Variants in VPS13A observed in about 807,000 individuals in gnomAD.
The protein encoded by VPS13A is vacuolar protein sorting 13 homolog A.
In VPS13A, 264 loss-of-function variants were observed where a neutral mutation model predicts 390.9. The observed-to-expected ratio is 0.68, with a 90% CI of 0.61 to 0.75. The LOEUF is 0.75. VPS13A is among the 30% of genes least tolerant of loss of function. VPS13A has a pLI of 0.00. For synonymous variants in VPS13A, 1,231 were observed against 1,227.1 expected, an observed-to-expected ratio of 1.00 and a Z score of -0.07; for missense variants, 3,409 against 3,733.9, an observed-to-expected ratio of 0.91 and a Z score of 2.27.
At chr9:77,302,804 A>G in intron 33 of VPS13A, 111 bp from the exon 34 acceptor site, 1 of 1,196,122 alleles carries the variant, frequency 8.4e-7, no homozygotes, top group South Asian at 1.4e-5. Context: ...TATACCCAAC[A>G]AATTATTGAT....
chr9:77,334,778 G>T (rs1267843571), intron 46 of VPS13A, among the ~76,000 whole-genome samples: 1 of 152,184 alleles, frequency 6.6e-6, no homozygotes, highest in African/African-American at 2.4e-5. Context: ...TTAAGGTTTT[G>T]TCTTTAAGTA....
chr9:77,344,267 C>T lies in VPS13A; in HGVS notation c.7141C>T (p.Arg2381Cys), dbSNP rs761657969. 33 of 1,613,020 alleles carry T rather than the reference C, an allele frequency of 2.0e-5. No homozygotes were observed. Among genetic ancestry groups the T allele is most frequent in the South Asian group, 1.8e-4 (16 of 90,962 alleles). The change falls in exon 51 of 72, where the codon CGT (arginine) becomes TGT (cysteine). Residue 2381 changes from arginine to cysteine, a missense_variant. Physicochemically the swap from Arg to Cys is radical, Grantham distance 180 (BLOSUM62 -3). This residue lies in a region of VPS13A where 2,717 missense variants were observed against 2,917.4 expected (regional missense o/e 0.93). Coordinates refer to ENST00000360280, the MANE Select transcript of VPS13A (RefSeq NM_033305.3). ...CAAGCAGGAAAATTGTATTCTATTGCGTCTAGATAACGAGGTAAGTTTTTT... is the reference window on the plus strand; with the variant it reads ...CAAGCAGGAAAATTGTATTCTATTGTGTCTAGATAACGAGGTAAGTTTTTT... ...FNKQENCILL[R>C]LDNELGGIIA... is the part of the protein sequence containing the mutation.
intron 26 of VPS13A, chr9:77,279,929 A>AT (rs1826917142): frequency 2.6e-6 from 1 of 379,780 alleles, no homozygotes; most frequent in Non-Finnish European, 4.9e-6. Context: ...TTAGAAGGGT[A>AT]TGAGACTTCA....
chr9:77,382,624 C>T (rs531401516), intron 68 of VPS13A: 1 of 1,022,550 alleles, frequency 9.8e-7, no homozygotes, highest in African/African-American at 1.7e-5. Context: ...TATCCAATTA[C>T]ACATGAAGAA....
At chr9:77,343,372 G>GT (rs1201737259) in intron 50 of VPS13A, among the ~76,000 whole-genome samples, 2 of 152,148 alleles carry the variant, frequency 1.3e-5, no homozygotes, top group Non-Finnish European at 2.9e-5. Context: ...TAACAACCAG[G>GT]TTCTGCTACA....
chr9:77,355,787 T>G (rs1428365244), intron 54 of VPS13A, among the ~76,000 whole-genome samples: 3 of 152,192 alleles, frequency 2.0e-5, no homozygotes, highest in African/African-American at 7.2e-5. Flanking sequence ...ACCTAATTCA[T>G]CAAGAAGATC....
intron 26 of VPS13A, 49 bp downstream of exon 26, chr9:77,276,270 C>G (rs1272912401): frequency 2.0e-6 from 3 of 1,469,652 alleles, no homozygotes; most frequent in Non-Finnish European, 2.7e-6. Flanking sequence ...CATTGTTTGA[C>G]TACCTGCTAG....
At chr9:77,267,504 A>G (rs1342297726) in intron 23 of VPS13A, among the ~76,000 whole-genome samples, 1 of 152,178 alleles carries the variant, frequency 6.6e-6, no homozygotes, top group Non-Finnish European at 1.5e-5. Context: ...AGGCTGCAGA[A>G]CAGCAAAGAT....
intron 5 of VPS13A, among the ~76,000 whole-genome samples, chr9:77,207,243 A>ATG (rs1564630398): frequency 0.012 from 1,284 of 103,120 alleles, 50 homozygotes; most frequent in South Asian, 0.041. Flanking sequence ...ATATATATAT[A>ATG]TATATATATA....
At chr9:77,337,647 T>C (rs1443891745) in intron 47 of VPS13A, 110 bp downstream of exon 47, 1 of 1,054,484 alleles carries the variant, frequency 9.5e-7, no homozygotes. Context: ...ATTAGAATAC[T>C]AGTAAAGAAT....
chr9:77,205,192 C>T (rs991992872), intron 3 of VPS13A, 121 bp from the exon 4 acceptor site: 19 of 421,734 alleles, frequency 4.5e-5, no homozygotes, highest in South Asian at 7.4e-5. Flanking sequence ...AGTGATTAAA[C>T]GCTTAAGGAC....
chr9:77,290,079 G>T (rs1158415200), intron 31 of VPS13A, among the ~76,000 whole-genome samples: 1 of 152,134 alleles, frequency 6.6e-6, no homozygotes, highest in Non-Finnish European at 1.5e-5. Flanking sequence ...ACCGCATCTG[G>T]CACTTTCTCA....
chr9:77,251,991 A>G (rs1825171004), intron 21 of VPS13A, among the ~76,000 whole-genome samples: 1 of 152,208 alleles, frequency 6.6e-6, no homozygotes, highest in East Asian at 1.9e-4. Flanking sequence ...TACCTTTTGC[A>G]TTATTGCTTT....
At chr9:77,258,282 G>T (rs1825563639) in intron 22 of VPS13A, among the ~76,000 whole-genome samples, 1 of 152,158 alleles carries the variant, frequency 6.6e-6, no homozygotes, top group African/African-American at 2.4e-5. Context: ...TACTAGCAAG[G>T]CAACATGAGA....
intron 56 of VPS13A, 123 bp from the exon 57 acceptor site, chr9:77,358,234 G>A: frequency 2.4e-6 from 2 of 838,026 alleles, no homozygotes; most frequent in Middle Eastern, 2.7e-4. Flanking sequence ...GGGATTACAG[G>A]CGTGAGCCAC....
At chr9:77,279,114 G>T (rs1274349587) in intron 26 of VPS13A, among the ~76,000 whole-genome samples, 1 of 152,204 alleles carries the variant, frequency 6.6e-6, no homozygotes, top group Non-Finnish European at 1.5e-5. Context: ...CTTCCTTATC[G>T]CAAGGGCAGG....
Position 77,420,756 on chromosome 9 carries a change from A to G in VPS13A, c.*4750A>G, listed in dbSNP as rs761274758. 7 of 152,228 alleles carry G rather than the reference A, an allele frequency of 4.6e-5. No homozygotes were observed. The highest frequency in any genetic ancestry group is 8.8e-5 in the Non-Finnish European group (6 of 68,036). 9.4% of individuals were successfully genotyped at this position (152,228 alleles called of 1,614,324 possible). A position where few individuals can be genotyped will look rare whatever the true frequency, so the allele number is the denominator to read the frequency against. On this transcript the variant is annotated 3_prime_UTR_variant, in exon 72 of 72. Transcript: ENST00000360280. Reference sequence around the variant, plus strand: ...TAACAAGAAACCCTGTGAGATTGGTATAATGAGATATCAAATAATCAGAAG... The same window carrying G: ...TAACAAGAAACCCTGTGAGATTGGTGTAATGAGATATCAAATAATCAGAAG...
intron 68 of VPS13A, among the ~76,000 whole-genome samples, chr9:77,391,199 C>G (rs992473588): frequency 6.6e-6 from 1 of 152,166 alleles, no homozygotes; most frequent in African/African-American, 2.4e-5. Flanking sequence ...GTAACTTTCC[C>G]TAGTTACCTT....
At chr9:77,229,377 C>T (rs565919895) in intron 17 of VPS13A, among the ~76,000 whole-genome samples, 163 of 152,198 alleles carry the variant, frequency 1.1e-3, no homozygotes, top group Middle Eastern at 0.01. Flanking sequence ...CTGGCTCATT[C>T]GAGAATATGT....
Sources: gnomAD v4.1 joint callset for allele counts (sites outside exome capture counted in the v4.1 genomes callset) on GRCh38, gnomAD v4.1.1 for gene constraint, gnomAD v4.1.1 regional missense constraint, MANE v1.5 for transcripts, NCBI Gene and HGNC (gene_info 2026-07-23, HGNC 2026-07-21) for gene names.